The following ZNF516 variants were observed in gnomAD, a reference collection of about 807,000 sequenced individuals.
The protein encoded by ZNF516 is zinc finger protein 516.
A neutral mutation model predicts 79.7 loss-of-function variants in ZNF516; 19 were observed. The ratio of observed to expected loss-of-function variants is 0.24; its 90% CI spans 0.17 to 0.35. The LOEUF (loss-of-function observed/expected upper bound fraction) is 0.35. ZNF516 is among the 10% of genes least tolerant of loss of function. The pLI, the probability that ZNF516 is intolerant of heterozygous loss-of-function variation, is 1.00. For missense variants in ZNF516, 1,678 were observed against 1,679.5 expected (o/e 1.00, Z 0.02); for synonymous variants, 877 against 739.5 (o/e 1.19, Z -3.02).
At chr18:76,422,874 C>T (rs937689499) in intron 3 of ZNF516, among the ~76,000 whole-genome samples, 2 of 152,180 alleles carry the variant, frequency 1.3e-5, no homozygotes, top group Non-Finnish European at 2.9e-5. Context: ...ATTAATTCTC[C>T]TCCATACAAA....
chr18:76,418,428 C>T lies in ZNF516; in HGVS notation c.1810+22817G>A, dbSNP rs73479019. On this transcript the variant is annotated intron_variant, in intron 3 of 6. Transcript: ENST00000443185. ...TAACATACACGGTAACATGCTGTCA[C>T]ACACTAACACTAACACATGCTGTAA... is the stretch of plus-strand genomic sequence containing the variant. 9.6e-3 allele frequency among the ~76,000 whole-genome samples: 1,462 copies of T among 152,038 alleles called. 32 individuals are homozygous for T. Among genetic ancestry groups the T allele is most frequent in the African/African-American group, 0.03 (1,227 of 41,332 alleles).
At chr18:76,446,528 T>A (rs1912059736) in intron 2 of ZNF516, among the ~76,000 whole-genome samples, 1 of 152,208 alleles carries the variant, frequency 6.6e-6, no homozygotes, top group African/African-American at 2.4e-5. Context: ...TGTGCCAGCA[T>A]CGGACCCATC....
At chr18:76,477,463 T>C (rs1172499053) in intron 1 of ZNF516, among the ~76,000 whole-genome samples, 1 of 152,190 alleles carries the variant, frequency 6.6e-6, no homozygotes, top group Non-Finnish European at 1.5e-5. Context: ...TGCCTTAGCC[T>C]TGAAAATGTG....
chr18:76,424,759 AAC>A (rs1394930853), intron 3 of ZNF516, among the ~76,000 whole-genome samples: 2 of 123,890 alleles, frequency 1.6e-5, no homozygotes, highest in Non-Finnish European at 3.3e-5. Flanking sequence ...GCTCCCCCAA[AAC>A]ACACGCAGGT....
Position 76,360,646 on chromosome 18 carries a change from A to AAAAAAAAATATATATATATATAT in ZNF516, c.*1851_*1852insATATATATATATATATTTTTTTT, listed in dbSNP as rs373540251. On this transcript the variant is annotated 3_prime_UTR_variant, in exon 7 of 7. Coordinates refer to ENST00000443185, the MANE Select transcript of ZNF516 (RefSeq NM_014643.4). ...AAAAAAATAAGTAAAAAAAAAAAAA[A>AAAAAAAAATATATATATATATAT]ATATATATATATATATATATATATA... The AAAAAAAAATATATATATATATAT allele has an allele frequency of 1.4e-5, 1 of 72,494 alleles. No individual in the cohort carries two copies. Among genetic ancestry groups the AAAAAAAAATATATATATATATAT allele is most frequent in the Non-Finnish European group, 2.7e-5 (1 of 36,934 alleles). 4.5% of individuals were successfully genotyped at this position (72,494 alleles called of 1,614,324 possible).
chr18:76,404,554 A>G (rs2075275632), intron 3 of ZNF516, among the ~76,000 whole-genome samples: 1 of 151,616 alleles, frequency 6.6e-6, no homozygotes, highest in Non-Finnish European at 1.5e-5. Context: ...GAACGTGTGC[A>G]TGTGTTTGTA....
chr18:76,420,932 G>T (rs958218524), intron 3 of ZNF516, among the ~76,000 whole-genome samples: 7 of 152,150 alleles, frequency 4.6e-5, no homozygotes, highest in East Asian at 1.9e-4. Context: ...ACCAAAAAAT[G>T]GATTTGCTTT....
chr18:76,382,322 A>G (rs1032780800), intron 3 of ZNF516, among the ~76,000 whole-genome samples: 5 of 152,226 alleles, frequency 3.3e-5, no homozygotes, highest in African/African-American at 1.2e-4. Flanking sequence ...TGTTTAAGTC[A>G]GAATGGTGCT....
In ZNF516 at chr18:76,424,618, G is replaced by C. The variant is rs1404804651; in HGVS notation, c.1810+16627C>G. Among the ~76,000 whole-genome samples, 11 of 122,984 alleles carry C rather than the reference G, an allele frequency of 8.9e-5. No individual in the cohort carries two copies. The East Asian group carries it at 2.7e-3, about 30-fold the overall frequency. 80.7% of individuals were successfully genotyped at this position (122,984 alleles called of 152,430 possible). A position where few individuals can be genotyped will look rare whatever the true frequency, so the allele number is the denominator to read the frequency against. ...AAAAGGCTCCCCCGAAACACACGCA[G>C]GTGAAAAGGCTCCCCCGAAACACAC... On this transcript the variant is annotated intron_variant, in intron 3 of 6. Transcript: ENST00000443185.
At chr18:76,404,012 C>G (rs762565323) in intron 3 of ZNF516, among the ~76,000 whole-genome samples, 1 of 152,230 alleles carries the variant, frequency 6.6e-6, no homozygotes, top group Non-Finnish European at 1.5e-5. Flanking sequence ...AGAGCAGCAG[C>G]GGACAGGCTG....
chr18:76,403,687 G>A (rs1427424486), intron 3 of ZNF516, among the ~76,000 whole-genome samples: 1 of 152,158 alleles, frequency 6.6e-6, no homozygotes, highest in Admixed American at 6.5e-5. Flanking sequence ...AATTCTTAAA[G>A]CTGAGAGCAT....
chr18:76,429,811 T>A (rs1433519701), intron 3 of ZNF516, among the ~76,000 whole-genome samples: 1 of 152,176 alleles, frequency 6.6e-6, no homozygotes, highest in Non-Finnish European at 1.5e-5. Context: ...GGAAAAGGTA[T>A]CAAGGAATCC....
At chr18:76,464,599 A>C (rs990725029) in intron 1 of ZNF516, among the ~76,000 whole-genome samples, 4 of 152,010 alleles carry the variant, frequency 2.6e-5, no homozygotes, top group Non-Finnish European at 5.9e-5. Flanking sequence ...TGGCCATTTC[A>C]GATGGGGACA....
intron 3 of ZNF516, among the ~76,000 whole-genome samples, chr18:76,409,489 T>A (rs778764996): frequency 6.6e-6 from 1 of 152,146 alleles, no homozygotes; most frequent in Non-Finnish European, 1.5e-5. Flanking sequence ...ACAGTAAAAA[T>A]TAGTGTTGCA....
chr18:76,440,742 T>G (rs62110904), intron 3 of ZNF516, among the ~76,000 whole-genome samples: 1,908 of 150,014 alleles, frequency 0.013, 28 homozygotes, highest in East Asian at 0.056. Flanking sequence ...GTGTGTGTGT[T>G]TGTGTGTGTG....
At position 76,371,471 on chromosome 18, in the gene ZNF516, G is replaced by T; in HGVS notation, c.3360C>A (p.His1120Gln). Residue 1120 changes from histidine (H) to glutamine (Q), a missense_variant, in exon 5 of 7, where the codon CAC (histidine) becomes CAA (glutamine). Physicochemically the swap from His to Gln is conservative, Grantham distance 24. Around this residue, in one of 5 missense-constraint regions of ZNF516, gnomAD observed 1,294 missense variants for 1,248.3 expected, o/e 1.04. Coordinates refer to ENST00000443185, the MANE Select transcript of ZNF516 (RefSeq NM_014643.4). ...PGHLRAHMRA[H>Q]SVVFESDGPR... Reference sequence around the variant, plus strand: ...AGCTGGGCGGGAGGGCGATACCTGAGTGTGCCCGCATGTGGGCCCTGAGGT... The same window carrying T: ...AGCTGGGCGGGAGGGCGATACCTGATTGTGCCCGCATGTGGGCCCTGAGGT... 2 of 1,606,486 alleles carry T rather than the reference G, an allele frequency of 1.2e-6. No homozygotes were observed.
At chr18:76,389,977 C>T (rs777498114) in intron 3 of ZNF516, among the ~76,000 whole-genome samples, 25 of 152,158 alleles carry the variant, frequency 1.6e-4, no homozygotes, top group Non-Finnish European at 2.9e-4. Flanking sequence ...GTATGTCTCC[C>T]GGTTCACGCT....
chr18:76,455,803 C>A (rs545643960), intron 2 of ZNF516, among the ~76,000 whole-genome samples: 127 of 152,342 alleles, frequency 8.3e-4, no homozygotes, highest in Non-Finnish European at 1.6e-3. Context: ...TCTCCATGCA[C>A]AAACCTCTGT....
At chr18:76,490,802 C>A (rs1915132377) in intron 1 of ZNF516, 1 of 985,464 alleles carries the variant, frequency 1.0e-6, no homozygotes, top group Non-Finnish European at 1.2e-6. Flanking sequence ...ACACGACGAG[C>A]GGACCGGAGG....
Sources: allele counts gnomAD v4.1 joint callset (sites outside exome capture counted in the v4.1 genomes callset), GRCh38; gene constraint gnomAD v4.1.1; regional missense constraint gnomAD v4.1.1; transcripts MANE v1.5; gene names NCBI Gene and HGNC (gene_info 2026-07-23, HGNC 2026-07-21).